The following NTRK3 variants were observed in gnomAD, a reference collection of about 807,000 sequenced individuals.
The protein encoded by NTRK3 is neurotrophic receptor tyrosine kinase 3, also known as NT-3 growth factor receptor.
NTRK3 carries 24 observed loss-of-function variants against 91.7 expected under a neutral mutation model. The ratio of observed to expected loss-of-function variants is 0.26; its 90% CI spans 0.19 to 0.37. The LOEUF (loss-of-function observed/expected upper bound fraction) is 0.37, where lower values mean the gene tolerates loss of function less well. Ranked by LOEUF, NTRK3 falls within the 10% of genes least tolerant of loss-of-function variation. The pLI, the probability that NTRK3 is intolerant of heterozygous loss-of-function variation, is 1.00. For missense variants in NTRK3, 880 were observed against 1,068.9 expected (o/e 0.82, Z 2.46); for synonymous variants, 483 against 404.0 (o/e 1.20, Z -2.34).
At chr15:88,084,894 A>G (rs2048362570) in intron 13 of NTRK3, among the ~76,000 whole-genome samples, 1 of 152,194 alleles carries the variant, frequency 6.6e-6, no homozygotes, top group South Asian at 2.1e-4. Context: ...GACAAGGGGC[A>G]TGTAGAACCA....
intron 13 of NTRK3, among the ~76,000 whole-genome samples, chr15:88,108,459 G>A (rs2050954574): frequency 6.6e-6 from 1 of 152,152 alleles, no homozygotes; most frequent in Non-Finnish European, 1.5e-5. Context: ...GGGTGCTCCT[G>A]ACAACTCCCA....
intron 13 of NTRK3, among the ~76,000 whole-genome samples, chr15:88,111,900 T>TG (rs57882181): frequency 3.1e-5 from 3 of 97,760 alleles, no homozygotes; most frequent in East Asian, 4.5e-4. Flanking sequence ...GGTTTTTTTT[T>TG]TGTTTTTGTT....
At chr15:88,156,088 A>G (rs2043872568) in intron 5 of NTRK3, among the ~76,000 whole-genome samples, 1 of 152,174 alleles carries the variant, frequency 6.6e-6, no homozygotes, top group East Asian at 1.9e-4. Context: ...AAGTTCTCCA[A>G]AGGAATGTCA....
Position 87,875,362 on chromosome 15 carries a change from C to T in NTRK3, c.*1573G>A, listed in dbSNP as rs1439705121. On this transcript the variant is annotated 3_prime_UTR_variant, in exon 19 of 19. Coordinates refer to ENST00000394480, the Ensembl canonical transcript of NTRK3. ...TTCCATGTTTCATGTGACAGGGAGG[C>T]CCAGAGGTCGGCCCCACTGTGGTAT... The T allele has an allele frequency of 1.0e-4, 24 of 231,156 alleles. No homozygotes were observed. In the East Asian group the frequency reaches 1.2e-3, roughly 11 times the overall value. 14.3% of individuals were successfully genotyped at this position (231,156 alleles called of 1,614,324 possible).
In NTRK3 at chr15:88,108,585, C is replaced by T. The variant is rs149488877; in HGVS notation, c.1396+17686G>A. On this transcript the variant is annotated intron_variant, in intron 13 of 18. Transcript: ENST00000394480. Reference sequence around the variant, plus strand: ...GACCTTGGAAGCCCTTAATCCAAATCCCTCCAATTATAGAGGATAAAAGTA... The same window carrying T: ...GACCTTGGAAGCCCTTAATCCAAATTCCTCCAATTATAGAGGATAAAAGTA... 3.9e-5 allele frequency among the ~76,000 whole-genome samples: 6 copies of T among 152,332 alleles called. No homozygotes were observed. The South Asian group carries it at 1.2e-3, about 32-fold the overall frequency.
At chr15:87,988,902 T>C (rs573703889) in intron 14 of NTRK3, among the ~76,000 whole-genome samples, 3 of 152,326 alleles carry the variant, frequency 2.0e-5, no homozygotes, top group African/African-American at 7.2e-5. Context: ...ATTTTTTTCA[T>C]GTGTTTCATA....
intron 13 of NTRK3, among the ~76,000 whole-genome samples, chr15:88,040,824 C>A (rs2079537732): frequency 6.6e-6 from 1 of 152,152 alleles, no homozygotes; most frequent in African/African-American, 2.4e-5. Flanking sequence ...AATTAAATAC[C>A]AACTACATGC....
intron 3 of NTRK3, among the ~76,000 whole-genome samples, chr15:88,191,454 T>C (rs541087365): frequency 3.3e-5 from 5 of 152,284 alleles, no homozygotes; most frequent in Non-Finnish European, 7.4e-5. Flanking sequence ...TCCGGATGTT[T>C]TTTATATGTG....
chr15:88,105,696 T>TAC (rs146323277), intron 13 of NTRK3, among the ~76,000 whole-genome samples: 51 of 151,138 alleles, frequency 3.4e-4, no homozygotes, highest in Admixed American at 8.6e-4. Context: ...TGAGTGGAAA[T>TAC]ACACACACAC....
At chr15:87,893,296 C>A (rs1343425311) in intron 17 of NTRK3, among the ~76,000 whole-genome samples, 1 of 152,138 alleles carries the variant, frequency 6.6e-6, no homozygotes, top group Non-Finnish European at 1.5e-5. Context: ...TAGCTGAAAC[C>A]CCCAAACCCC....
At chr15:88,204,438 G>C (rs2048571436) in intron 3 of NTRK3, among the ~76,000 whole-genome samples, 1 of 152,178 alleles carries the variant, frequency 6.6e-6, no homozygotes, top group South Asian at 2.1e-4. Context: ...GAAATGTAGG[G>C]AAGCCAGATT....
chr15:87,874,396 C>G, exon 19 of NTRK3: 1 of 230,132 alleles, frequency 4.3e-6, no homozygotes. Flanking sequence ...AATCTGACAA[C>G]TGCGGTCTCC....
intron 14 of NTRK3, among the ~76,000 whole-genome samples, chr15:87,969,596 A>G (rs2073094982): frequency 1.3e-5 from 2 of 152,166 alleles, no homozygotes; most frequent in South Asian, 4.1e-4. Flanking sequence ...TGTGCTATAA[A>G]TAATTCAGAG....
At chr15:87,897,051 G>C (rs2066168233) in intron 17 of NTRK3, among the ~76,000 whole-genome samples, 1 of 152,188 alleles carries the variant, frequency 6.6e-6, no homozygotes, top group African/African-American at 2.4e-5. Context: ...CCATTTAGCA[G>C]AATCTCAGTG....
chr15:88,190,857 G>A (rs896694838), intron 3 of NTRK3, among the ~76,000 whole-genome samples: 1 of 152,250 alleles, frequency 6.6e-6, no homozygotes, highest in Non-Finnish European at 1.5e-5. Context: ...CATGGCACTA[G>A]TGGAATAAAT....
intron 14 of NTRK3, among the ~76,000 whole-genome samples, chr15:88,000,212 G>A (rs369319054): frequency 3.0e-4 from 45 of 152,212 alleles, no homozygotes; most frequent in African/African-American, 9.6e-4. Flanking sequence ...TTAAAATGTC[G>A]ACATATGTCC....
At chr15:88,032,943 G>A (rs960610021) in exon 14 of NTRK3, 3 of 1,613,538 alleles carry the variant, frequency 1.9e-6, no homozygotes, top group Middle Eastern at 1.6e-4. Flanking sequence ...AATGACCACA[G>A]TGTCGGGCCC....
At chr15:88,078,471 G>A (rs536133157) in intron 13 of NTRK3, among the ~76,000 whole-genome samples, 13 of 152,318 alleles carry the variant, frequency 8.5e-5, no homozygotes, top group African/African-American at 2.9e-4. Context: ...CCAACATGGC[G>A]AAACCCTGTC....
intron 3 of NTRK3, among the ~76,000 whole-genome samples, chr15:88,221,210 G>A (rs1410915692): frequency 6.6e-6 from 1 of 152,184 alleles, no homozygotes; most frequent in Non-Finnish European, 1.5e-5. Flanking sequence ...AAAGTCACTG[G>A]CAATTACGGC....
Sources: gnomAD v4.1 joint callset for allele counts (sites outside exome capture counted in the v4.1 genomes callset) on GRCh38, gnomAD v4.1.1 for gene constraint, MANE v1.5 for transcripts, NCBI Gene and HGNC (gene_info 2026-07-23, HGNC 2026-07-21) for gene names.